Variants in JAK1 observed in about 807,000 individuals in gnomAD.
The protein encoded by JAK1 is tyrosine-protein kinase JAK1.
In JAK1, 16 loss-of-function variants were observed where a neutral mutation model predicts 136.6. The ratio of observed to expected loss-of-function variants is 0.12; its 90% CI spans 0.08 to 0.18. The LOEUF is 0.18. Among genes scored for constraint, JAK1 ranks in the 10% least tolerant of loss-of-function variants. The pLI is 1.00. For synonymous variants in JAK1, 492 were observed against 519.5 expected (o/e 0.95, Z 0.72); for missense variants, 859 against 1,450.1 (o/e 0.59, Z 6.62).
chr1:65,066,376 T>C (rs1648042339), intron 1 of JAK1, among the ~76,000 whole-genome samples: 2 of 152,090 alleles, frequency 1.3e-5, no homozygotes, highest in African/African-American at 4.8e-5. Flanking sequence ...CAGACTCTCA[T>C]GCCTATATTA....
intron 9 of JAK1, 124 bp downstream of exon 9, chr1:64,859,981 G>A (rs973824174): frequency 1.2e-5 from 9 of 765,590 alleles, no homozygotes; most frequent in South Asian, 3.3e-5. Context: ...GAGGAAAGGA[G>A]GACAGCCAAC....
At chr1:64,885,959 G>A (rs1432351248) in intron 2 of JAK1, among the ~76,000 whole-genome samples, 1 of 152,142 alleles carries the variant, frequency 6.6e-6, no homozygotes, top group Non-Finnish European at 1.5e-5. Context: ...TGCACAACAT[G>A]TATAATATGA....
intron 1 of JAK1, among the ~76,000 whole-genome samples, chr1:64,928,780 A>AAAAAAAC (rs1553169964): frequency 1.2e-4 from 11 of 92,550 alleles, no homozygotes; most frequent in Non-Finnish European, 1.7e-4. Context: ...AAACTCTGCA[A>AAAAAAAC]AAAAAAAAAA....
rs1644807094 is a variant in JAK1, at chr1:64,883,487, G to A, written c.7-12C>T. ...TTTATATTTAGATACTGTTGTGGAA[G>A]GAAAACAAGACTATGTGGTCACTCT... On this transcript the variant is annotated splice_polypyrimidine_tract_variant and intron_variant, in intron 2 of 24. Coordinates refer to ENST00000342505, the MANE Select transcript of JAK1 (RefSeq NM_002227.4). The A allele has an allele frequency of 6.2e-7, 1 of 1,609,604 alleles. No homozygotes were observed. The highest frequency in any genetic ancestry group is 1.1e-5 in the South Asian group (1 of 90,892).
In JAK1 at chr1:64,984,543, G is replaced by C. The variant is rs1557742926; in HGVS notation, c.-78+59937C>G. ...GCAGCCCTGGGTTCATCCTTATGAG[G>C]TCTCTCCCTCATTCAGGGAGGTGGC... On this transcript the variant is annotated intron_variant, in intron 2 of 25. Transcript: ENST00000671954. This position sits in a 1 kb window ranked among gnomAD's most constrained non-coding sequence, Gnocchi z 4.1. The C allele has an allele frequency of 1.1e-5, 4 of 361,154 alleles. No individual in the cohort carries two copies. Among genetic ancestry groups the C allele is most frequent in the Admixed American group, 3.3e-5 (1 of 30,134 alleles). The allele number at this position is 361,154 out of a possible 1,614,324, so 22.4% of individuals were successfully genotyped here. A position where few individuals can be genotyped will look rare whatever the true frequency, so the allele number is the denominator to read the frequency against.
intron 2 of JAK1, among the ~76,000 whole-genome samples, chr1:65,023,552 C>T (rs1438806501): frequency 6.6e-6 from 1 of 151,896 alleles, no homozygotes; most frequent in South Asian, 2.1e-4. Flanking sequence ...GGCACAATCT[C>T]GGCTCACTGC....
intron 2 of JAK1, among the ~76,000 whole-genome samples, chr1:65,028,882 C>G (rs1166574746): frequency 1.3e-5 from 2 of 152,108 alleles, no homozygotes; most frequent in Non-Finnish European, 2.9e-5. Flanking sequence ...TCAGATTTAT[C>G]TGATAGCAAC....
At chr1:65,054,117 T>C (rs1032078026) in intron 1 of JAK1, among the ~76,000 whole-genome samples, 57 of 152,246 alleles carry the variant, frequency 3.7e-4, no homozygotes, top group African/African-American at 1.3e-3. Context: ...ATGAATCCTT[T>C]TTACCCACAG....
intron 2 of JAK1, among the ~76,000 whole-genome samples, chr1:65,040,332 G>A (rs1347168840): frequency 4.6e-5 from 7 of 151,908 alleles, no homozygotes; most frequent in African/African-American, 4.8e-5. Context: ...CCTTTCTATC[G>A]TCTAGAGGCC....
chr1:64,940,320 C>CT (rs34933566), intron 1 of JAK1, among the ~76,000 whole-genome samples: 88,894 of 140,316 alleles, frequency 0.63, 30,420 homozygotes, highest in Middle Eastern at 0.85. Context: ...ATTTCAATTT[C>CT]TTTTTTTTTT....
intron 11 of JAK1, among the ~76,000 whole-genome samples, chr1:64,854,493 T>C (rs537581097): frequency 6.6e-6 from 1 of 152,280 alleles, no homozygotes; most frequent in East Asian, 1.9e-4. Flanking sequence ...AAGCCCCTCT[T>C]TGACGCTGAC....
intron 1 of JAK1, among the ~76,000 whole-genome samples, chr1:65,049,274 T>C (rs1306141819): frequency 6.6e-6 from 1 of 151,998 alleles, no homozygotes; most frequent in Non-Finnish European, 1.5e-5. Flanking sequence ...AATTTAAAAA[T>C]CAGCCGGCCA....
At chr1:64,947,915 T>C (rs551327673) in intron 1 of JAK1, among the ~76,000 whole-genome samples, 5 of 152,252 alleles carry the variant, frequency 3.3e-5, no homozygotes, top group African/African-American at 1.2e-4. Flanking sequence ...GGGAGAGATA[T>C]ACAATTCATA....
intron 1 of JAK1, among the ~76,000 whole-genome samples, chr1:64,915,861 CTGCACACA>C (rs1172898459): frequency 2.0e-5 from 3 of 152,190 alleles, no homozygotes; most frequent in Non-Finnish European, 4.4e-5. Context: ...AAGACGGCAT[CTGCACACA>C]TGCTGAGTGC....
chr1:64,882,778 G>A (rs1644793896), intron 3 of JAK1, among the ~76,000 whole-genome samples: 1 of 152,188 alleles, frequency 6.6e-6, no homozygotes, highest in Non-Finnish European at 1.5e-5. Context: ...GCAACACTCA[G>A]CTTCTCACTT....
intron 19 of JAK1, 57 bp downstream of exon 19, chr1:64,841,188 C>T (rs949604203): frequency 8.6e-5 from 104 of 1,205,182 alleles, no homozygotes; most frequent in Admixed American, 7.1e-4. Flanking sequence ...CAGAGAGTGG[C>T]GCTGTGGATG....
intron 1 of JAK1, among the ~76,000 whole-genome samples, chr1:64,905,426 T>C (rs1645174851): frequency 6.6e-6 from 1 of 152,212 alleles, no homozygotes; most frequent in South Asian, 2.1e-4. Flanking sequence ...CAAATATCAG[T>C]GTTAAATTTT....
chr1:65,062,289 C>T (rs945565596), intron 1 of JAK1, among the ~76,000 whole-genome samples: 18 of 152,172 alleles, frequency 1.2e-4, no homozygotes, highest in African/African-American at 4.3e-4. Context: ...TTTCACCACT[C>T]TCACCCCCCG....
intron 14 of JAK1, 125 bp from the exon 15 acceptor site, chr1:64,845,765 G>A: frequency 1.8e-6 from 2 of 1,129,098 alleles, no homozygotes; most frequent in Non-Finnish European, 2.6e-6. Flanking sequence ...ATCCTTGGGG[G>A]GTGCAATGGT....
Sources: gnomAD v4.1 joint callset for allele counts (sites outside exome capture counted in the v4.1 genomes callset) on GRCh38, gnomAD v4.1.1 for gene constraint, Gnocchi (gnomAD v3.1) non-coding constraint, MANE v1.5 for transcripts, NCBI Gene and HGNC (gene_info 2026-07-23, HGNC 2026-07-21) for gene names.